Variants in CDAN1 observed in about 807,000 individuals in gnomAD.
The protein encoded by CDAN1 is codanin-1.
Under a neutral mutation model 139.8 loss-of-function variants are expected in CDAN1, and 107 were observed. The observed-to-expected ratio is 0.77, with a 90% confidence interval of 0.65 to 0.90. The LOEUF is 0.90. Ranked by LOEUF, CDAN1 falls within the 40% of genes least tolerant of loss-of-function variation. The pLI is 0.00. For synonymous variants in CDAN1, 776 were observed against 660.6 expected, an observed-to-expected ratio of 1.17 and a Z score of -2.68; for missense variants, 1,667 against 1,575.7, an observed-to-expected ratio of 1.06 and a Z score of -0.98.
chr15:42,730,994 C>G lies in CDAN1; in HGVS notation c.1938G>C (p.Leu646=). The G allele has an allele frequency of 1.2e-6, 2 of 1,614,192 alleles. No individual in the cohort carries two copies. Among genetic ancestry groups the G allele is most frequent in the Non-Finnish European group, 1.7e-6 (2 of 1,180,030 alleles). Residue 646 remains leucine, a synonymous_variant, in exon 13 of 28, where the codon CTG becomes CTC. Transcript: ENST00000356231. ...LAKFLGFVAF[L]PYRGPEPPPT... is the part of the protein sequence containing the mutation. ...GGGGAGGTTCAGGCCCCCGGTATGGCAGGAAAGCCACAAAGCCCAGGAATT... is the reference window on the plus strand; with the variant it reads ...GGGGAGGTTCAGGCCCCCGGTATGGGAGGAAAGCCACAAAGCCCAGGAATT...
Position 42,736,485 on chromosome 15 carries a change from C to A in CDAN1, c.386G>T (p.Arg129Leu), listed in dbSNP as rs12441516. The change falls in exon 2 of 28, where the codon CGC becomes CTC. Residue 129 changes from arginine (R) to leucine (L), a missense_variant. Around this residue, in one of 3 missense-constraint regions of CDAN1, gnomAD observed 487 missense variants for 422.2 expected, o/e 1.15. Coordinates refer to ENST00000356231, the MANE Select transcript of CDAN1 (RefSeq NM_138477.4). Reference sequence around the variant, plus strand: ...CTCCAGGCCGCGGCCTCCACGCTCGCGGGCCGGCCCCGGGCCCCGCCTCCT... The same window carrying A: ...CTCCAGGCCGCGGCCTCCACGCTCGAGGGCCGGCCCCGGGCCCCGCCTCCT... ...GGRRRGPGPA[R>L]ERGGRGLEEG... is the part of the protein sequence containing the mutation. 3 of 1,447,652 alleles carry A rather than the reference C, an allele frequency of 2.1e-6. No individual in the cohort carries two copies. Among genetic ancestry groups the A allele is most frequent in the Non-Finnish European group, 2.7e-6 (3 of 1,107,640 alleles). 89.7% of individuals were successfully genotyped at this position (1,447,652 alleles called of 1,614,324 possible). A position where few individuals can be genotyped will look rare whatever the true frequency, so the allele number is the denominator to read the frequency against.
At chr15:42,733,248 T>C in intron 8 of CDAN1, 62 bp from the exon 9 acceptor site, 1 of 1,373,798 alleles carries the variant, frequency 7.3e-7, no homozygotes. Flanking sequence ...TTCCTGCCCC[T>C]GGAAGAACTA....
intron 16 of CDAN1, 32 bp downstream of exon 16, chr15:42,729,764 T>TC (rs1033875112): frequency 6.2e-7 from 1 of 1,605,280 alleles, no homozygotes; most frequent in Non-Finnish European, 8.5e-7. Context: ...TTCCTGAGTT[T>TC]CCCATGGCTC....
intron 11 of CDAN1, 94 bp from the exon 12 acceptor site, chr15:42,731,425 G>A (rs2061610284): frequency 6.4e-7 from 1 of 1,556,592 alleles, no homozygotes; most frequent in South Asian, 1.1e-5. Context: ...GGGAGCAGCA[G>A]GACAGACAGG....
At position 42,729,352 on chromosome 15, in the gene CDAN1, C is replaced by T. The variant is rs770598282; in HGVS notation, c.2418G>A (p.Arg806=). ...YTCCPYIGEL[R]KLLASWVSGS... is the part of the protein sequence containing the mutation. ...CTGACACCCACGAAGCGAGCAGTTT[C>T]CGGAGCTCTCCTGTATCAGTGAAGT... is the stretch of plus-strand genomic sequence containing the variant. Residue 806 remains arginine (R), a synonymous_variant, in exon 18 of 28, where the codon CGG becomes CGA. Transcript: ENST00000356231. 2 of 1,614,162 alleles carry T rather than the reference C, an allele frequency of 1.2e-6. No individual in the cohort carries two copies. The highest frequency in any genetic ancestry group is 4.5e-5 in the East Asian group (2 of 44,884).
chr15:42,729,998 T>A (rs1009955635), intron 15 of CDAN1, 113 bp from the exon 16 acceptor site: 3 of 1,155,284 alleles, frequency 2.6e-6, no homozygotes, highest in African/African-American at 1.7e-5. Context: ...ACCTCTGAGA[T>A]GATGGGAATC....
chr15:42,728,952 A>C, intron 19 of CDAN1, 71 bp downstream of exon 19: 1 of 1,584,192 alleles, frequency 6.3e-7, no homozygotes, highest in East Asian at 2.2e-5. Flanking sequence ...TGACCTTCTC[A>C]GTTTAGCAAC....
In CDAN1 at chr15:42,724,572, G is replaced by GGCTAGAAAC. The variant is rs1566977675; in HGVS notation, c.3594_3602dup (p.Phe1199_Ala1201dup). ...GCTGGGGTTCTGGCAGGTGGGGCTC[G>GGCTAGAAAC]GCTAGAAACAGATTAGACAGTGTTG... On this transcript the variant is annotated inframe_insertion, in exon 28 of 28. Coordinates refer to ENST00000356231, the MANE Select transcript of CDAN1 (RefSeq NM_138477.4). 6.4e-7 allele frequency: 1 copy of GGCTAGAAAC among 1,553,364 alleles called. No homozygotes were observed. Among genetic ancestry groups the GGCTAGAAAC allele is most frequent in the African/African-American group, 1.4e-5 (1 of 73,292 alleles).
chr15:42,726,100 G>C lies in CDAN1; in HGVS notation c.3265C>G (p.Leu1089Val). Residue 1089 changes from leucine to valine, a missense_variant, in exon 25 of 28, where the codon CTC (leucine) becomes GTC (valine). Leu to Val is a conservative substitution (Grantham distance 32). This residue lies in a region of CDAN1 where 936 missense variants were observed against 844.1 expected (regional missense o/e 1.11). Transcript: ENST00000356231. The part of the protein sequence containing the change: ...AKCSVELASL[L>V]VADQIPILGP... ...ATTTGATGGAAAGCAACCATACCGA[G>C]GAGGGAAGCTAACTCCACAGAGCAC... 6.2e-7 allele frequency: 1 copy of C among 1,613,944 alleles called. No individual in the cohort carries two copies. Among genetic ancestry groups the C allele is most frequent in the Non-Finnish European group, 8.5e-7 (1 of 1,179,896 alleles).
chr15:42,724,338 A>C lies in CDAN1; in HGVS notation c.*153T>G. On this transcript the variant is annotated 3_prime_UTR_variant, in exon 28 of 28. Coordinates refer to ENST00000356231, the MANE Select transcript of CDAN1 (RefSeq NM_138477.4). ...CTTCCTCTAGGATTCGCGTGGTGGGATGCCAGGCAGTGACACCCTTAGAGC... is the reference window on the plus strand; with the variant it reads ...CTTCCTCTAGGATTCGCGTGGTGGGCTGCCAGGCAGTGACACCCTTAGAGC... The C allele has an allele frequency of 3.0e-6, 3 of 1,009,918 alleles. No homozygotes were observed. The South Asian group carries it at 4.2e-5, about 14-fold the overall frequency. The allele number at this position is 1,009,918 out of a possible 1,614,324, so 62.6% of individuals were successfully genotyped here. A position where few individuals can be genotyped will look rare whatever the true frequency, so the allele number is the denominator to read the frequency against.
In CDAN1 at chr15:42,729,897, G is replaced by A. The variant is rs749612299; in HGVS notation, c.2263-12C>T. 12 of 1,608,660 alleles carry A rather than the reference G, an allele frequency of 7.5e-6. No homozygotes were observed. The South Asian group carries it at 7.7e-5, about 10-fold the overall frequency. ...GGGACTGTGGGAATCTGGCAAGACA[G>A]TCACAATTCAGGTCAACTTCAGAGA... is the stretch of plus-strand genomic sequence containing the variant. On this transcript the variant is annotated splice_polypyrimidine_tract_variant and intron_variant, in intron 15 of 27. Coordinates refer to ENST00000356231, the MANE Select transcript of CDAN1 (RefSeq NM_138477.4).
chr15:42,725,632 A>C lies in CDAN1; in HGVS notation c.3307T>G (p.Tyr1103Asp). ...CGAGCCTGCCCTCTCTCCAGCCTGT[A>C]CTGTGCCGGGGGCCCTAGGATAGGA... ...QIPILGPPAQYRLERGQARRL... is the reference protein window; with the variant it reads ...QIPILGPPAQDRLERGQARRL... Residue 1103 changes from tyrosine to aspartate, a missense_variant, in exon 26 of 28, where the codon TAC becomes GAC. Physicochemically the swap from Tyr to Asp is radical, Grantham distance 160. Around this residue, in one of 3 missense-constraint regions of CDAN1, gnomAD observed 936 missense variants for 844.1 expected, o/e 1.11. Coordinates refer to ENST00000356231, the MANE Select transcript of CDAN1 (RefSeq NM_138477.4). 2 of 1,614,110 alleles carry C rather than the reference A, an allele frequency of 1.2e-6. No individual in the cohort carries two copies. The highest frequency in any genetic ancestry group is 1.7e-6 in the Non-Finnish European group (2 of 1,180,014).
chr15:42,724,662 C>T, intron 27 of CDAN1, 46 bp from the exon 28 acceptor site: 1 of 1,547,802 alleles, frequency 6.5e-7, no homozygotes, highest in Non-Finnish European at 8.7e-7. Flanking sequence ...TGTAATAATT[C>T]TCAATGGCTC....
At chr15:42,729,922 A>ACGGGGCCCCC in intron 15 of CDAN1, 37 bp from the exon 16 acceptor site, 22 of 1,512,862 alleles carry the variant, frequency 1.5e-5, no homozygotes, top group Middle Eastern at 2.3e-4. Flanking sequence ...AACTTCAGAG[A>ACGGGGCCCCC]CCCCCACCCA....
rs1337594316 is a variant in CDAN1 at position 42,736,599 on chromosome 15, C to A, written c.272G>T (p.Arg91Leu). The A allele has an allele frequency of 1.3e-5, 20 of 1,502,488 alleles. No individual in the cohort carries two copies. The highest frequency in any genetic ancestry group is 1.9e-4 in the Middle Eastern group (1 of 5,244). The allele number at this position is 1,502,488 out of a possible 1,614,324, so 93.1% of individuals were successfully genotyped here. ...CTGGCTGCGCGCCCCGCGGCTACCC[C>A]GCGGCGGGCCTCCCGGCCTCCCTGG... The part of the protein sequence containing the change: ...ALPGRPGGPP[R>L]GSRGARSQLF... Residue 91 changes from arginine to leucine, a missense_variant, in exon 2 of 28, where the codon CGG becomes CTG. By Grantham distance (102) the Arg-to-Leu change is moderately radical. Transcript: ENST00000356231.
At chr15:42,732,511 A>G in intron 9 of CDAN1, 103 bp from the exon 10 acceptor site, 2 of 1,051,156 alleles carry the variant, frequency 1.9e-6, no homozygotes, top group Non-Finnish European at 2.9e-6. Flanking sequence ...TTTACCAGGG[A>G]CTTGAGCAGA....
chr15:42,728,088 G>C, intron 21 of CDAN1, 55 bp from the exon 22 acceptor site: 1 of 1,597,796 alleles, frequency 6.3e-7, no homozygotes, highest in East Asian at 2.2e-5. Flanking sequence ...TGCAACAAAG[G>C]ATGCCAGAGT....
chr15:42,735,773 G>T, intron 3 of CDAN1, 94 bp from the exon 4 acceptor site: 1 of 1,584,912 alleles, frequency 6.3e-7, no homozygotes. Context: ...CAGCCCAGGA[G>T]ACAAACCCAG....
chr15:42,726,632 G>C (rs1280274155), intron 23 of CDAN1: 3 of 592,540 alleles, frequency 5.1e-6, no homozygotes, highest in Non-Finnish European at 9.0e-6. Flanking sequence ...AACAGATGGA[G>C]GTCAGCTGAG....
Sources: gnomAD v4.1 joint callset for allele counts on GRCh38, gnomAD v4.1.1 for gene constraint, gnomAD v4.1.1 regional missense constraint, MANE v1.5 for transcripts, NCBI Gene and HGNC (gene_info 2026-07-23, HGNC 2026-07-21) for gene names.